Variants in COL27A1 observed in about 807,000 individuals in gnomAD.
COL27A1 encodes the protein collagen type XXVII alpha 1 chain.
In COL27A1, 106 loss-of-function variants were observed where a neutral mutation model predicts 251.3. The ratio of observed to expected loss-of-function variants is 0.42; its 90% confidence interval spans 0.36 to 0.50. The LOEUF (loss-of-function observed/expected upper bound fraction) is 0.50, where lower values mean the gene tolerates loss of function less well. Ranked by LOEUF, COL27A1 falls within the 20% of genes least tolerant of loss-of-function variation. The pLI is 0.00. For synonymous variants in COL27A1, 1,000 were observed against 986.3 expected (o/e 1.01, Z -0.26); for missense variants, 2,325 against 2,522.8 (o/e 0.92, Z 1.68).
At position 114,236,964 on chromosome 9, in the gene COL27A1, C is replaced by T; in HGVS notation, c.2620-17C>T. ...TCTCTTCCTCACTAACCCCAGCCTG[C>T]TCTGGATCTCTTCCAGGGGAGCCAG... On this transcript the variant is annotated splice_polypyrimidine_tract_variant and intron_variant, in intron 17 of 60. Transcript: ENST00000356083. The T allele has an allele frequency of 6.2e-7, 1 of 1,613,514 alleles. No homozygotes were observed. Among genetic ancestry groups the T allele is most frequent in the Non-Finnish European group, 8.5e-7 (1 of 1,179,768 alleles).
chr9:114,303,423 G>C (rs1289642440), intron 56 of COL27A1, among the ~76,000 whole-genome samples: 2 of 151,982 alleles, frequency 1.3e-5, no homozygotes, highest in African/African-American at 4.8e-5. Context: ...ATTTTTAGTA[G>C]AGATGGGTTT....
chr9:114,220,135 C>T (rs373366862), intron 13 of COL27A1, among the ~76,000 whole-genome samples: 8 of 152,302 alleles, frequency 5.3e-5, no homozygotes, highest in South Asian at 2.1e-4. Flanking sequence ...GGTCACTCCC[C>T]ACTGGAGAGG....
At chr9:114,219,723 G>A (rs1830948187) in intron 12 of COL27A1, 68 bp from the exon 13 acceptor site, 1 of 1,141,068 alleles carries the variant, frequency 8.8e-7, no homozygotes, top group Non-Finnish European at 1.3e-6. Context: ...CTGGGGGTCT[G>A]GATCAAAGCC....
intron 19 of COL27A1, among the ~76,000 whole-genome samples, chr9:114,239,491 TG>T (rs1832612833): frequency 6.6e-6 from 1 of 152,244 alleles, no homozygotes; most frequent in African/African-American, 2.4e-5. Flanking sequence ...GGCAGGGCTC[TG>T]GGAACTGCGT....
intron 41 of COL27A1, among the ~76,000 whole-genome samples, chr9:114,288,041 T>A (rs893320944): frequency 3.9e-5 from 6 of 152,044 alleles, no homozygotes; most frequent in African/African-American, 9.7e-5. Flanking sequence ...TCCTCACCAC[T>A]CCTTGATGGG....
chr9:114,283,241 C>T (rs2135706821), intron 39 of COL27A1, among the ~76,000 whole-genome samples: 1 of 152,324 alleles, frequency 6.6e-6, no homozygotes, highest in Middle Eastern at 3.4e-3. Context: ...GGAGGAGTTA[C>T]ACGGCAGCCC....
At chr9:114,285,615 C>G (rs1242656902) in intron 41 of COL27A1, among the ~76,000 whole-genome samples, 1 of 152,174 alleles carries the variant, frequency 6.6e-6, no homozygotes, top group Admixed American at 6.5e-5. Flanking sequence ...TCACGCTGGC[C>G]CGGCGTGCTG....
chr9:114,228,997 T>A (rs1425448092), intron 14 of COL27A1, among the ~76,000 whole-genome samples: 1 of 152,142 alleles, frequency 6.6e-6, no homozygotes, highest in African/African-American at 2.4e-5. Flanking sequence ...AATTTTTAAA[T>A]ATTTTCTGTA....
At chr9:114,206,417 C>A in intron 10 of COL27A1, 121 bp downstream of exon 10, 4 of 985,074 alleles carry the variant, frequency 4.1e-6, no homozygotes, top group South Asian at 1.4e-5. Flanking sequence ...CACTTGAGTG[C>A]TCCCGGACAA....
intron 27 of COL27A1, among the ~76,000 whole-genome samples, chr9:114,254,232 C>T (rs1333884476): frequency 1.3e-5 from 2 of 152,000 alleles, no homozygotes; most frequent in Admixed American, 1.3e-4. Flanking sequence ...GCCTGGGCTT[C>T]TCATGATGAC....
In COL27A1 at chr9:114,222,205, GTCTC is replaced by G. The variant is rs770982960; in HGVS notation, c.2422-12_2422-9del. 6.2e-6 allele frequency: 10 copies of G among 1,612,570 alleles called. No individual in the cohort carries two copies. Among genetic ancestry groups the G allele is most frequent in the Admixed American group, 5.0e-5 (3 of 59,984 alleles). The stretch of plus-strand genomic sequence containing the variant: ...GGAGATGGGACAAGTAACCACCTTG[GTCTC>G]TCTCTATCTGCAGGGAGAACTGGGC... On this transcript the variant is annotated splice_polypyrimidine_tract_variant and intron_variant, in intron 13 of 60. Coordinates refer to ENST00000356083, the MANE Select transcript of COL27A1 (RefSeq NM_032888.4).
intron 49 of COL27A1, 42 bp downstream of exon 49, chr9:114,292,252 C>T: frequency 7.2e-7 from 1 of 1,395,412 alleles, no homozygotes. Flanking sequence ...CGCACTCACA[C>T]ATGCACACAC....
chr9:114,175,428 A>G (rs896248688), intron 3 of COL27A1, among the ~76,000 whole-genome samples: 12 of 152,234 alleles, frequency 7.9e-5, no homozygotes, highest in Non-Finnish European at 1.3e-4. Flanking sequence ...GAGAGGGGCC[A>G]GGGGGCACCC....
chr9:114,227,858 C>T (rs1190262150), intron 14 of COL27A1, among the ~76,000 whole-genome samples: 6 of 152,078 alleles, frequency 3.9e-5, no homozygotes, highest in Admixed American at 6.5e-5. Flanking sequence ...GCCTCGAGGG[C>T]GTCTGGTACA....
At chr9:114,235,079 C>CAA (rs34337576) in intron 16 of COL27A1, among the ~76,000 whole-genome samples, 55,506 of 88,014 alleles carry the variant, frequency 0.63, 18,530 homozygotes, top group South Asian at 0.79. Flanking sequence ...GACTCCATCT[C>CAA]AAAAAAAAAA....
Position 114,290,406 on chromosome 9 carries a change from GC to G in COL27A1, c.4368+77del. Reference sequence around the variant, plus strand: ...GTAGGGGAACTTCCCCAGGCCATGGGCCAGAGGAGCCCGTTTGGAAACTTGG... The same window carrying G: ...GTAGGGGAACTTCCCCAGGCCATGGGCAGAGGAGCCCGTTTGGAAACTTGG... On this transcript the variant is annotated intron_variant, in intron 47 of 60. Transcript: ENST00000356083. This position sits in a 1 kb window ranked among gnomAD's most constrained non-coding sequence, Gnocchi z 4.6. The G allele has an allele frequency of 7.6e-7, 1 of 1,307,500 alleles. No individual in the cohort carries two copies. The highest frequency in any genetic ancestry group is 1.1e-6 in the Non-Finnish European group (1 of 927,122). 81.0% of individuals were successfully genotyped at this position (1,307,500 alleles called of 1,614,324 possible).
chr9:114,193,696 G>C (rs1017526575), intron 5 of COL27A1, among the ~76,000 whole-genome samples: 14 of 152,038 alleles, frequency 9.2e-5, no homozygotes, highest in African/African-American at 3.4e-4. Context: ...AACTGTGAAG[G>C]GCTGTACACA....
intron 23 of COL27A1, among the ~76,000 whole-genome samples, chr9:114,243,937 T>TTTTTTTTTTTTTTGTTTTTTC (rs1234935383): frequency 6.7e-6 from 1 of 148,616 alleles, no homozygotes. Flanking sequence ...TTTTTTTTTT[T>TTTTTTTTTTTTTTGTTTTTTC]TTTTTTTGAG....
At chr9:114,250,723 T>C in intron 25 of COL27A1, 55 bp downstream of exon 25, 5 of 1,548,680 alleles carry the variant, frequency 3.2e-6, no homozygotes, top group Non-Finnish European at 8.9e-7. Context: ...TTTGAAATTG[T>C]AAAAAGGTGA....
Sources: gnomAD v4.1 joint callset for allele counts (sites outside exome capture counted in the v4.1 genomes callset) on GRCh38, gnomAD v4.1.1 for gene constraint, Gnocchi (gnomAD v3.1) non-coding constraint, MANE v1.5 for transcripts, NCBI Gene and HGNC (gene_info 2026-07-23, HGNC 2026-07-21) for gene names.